The following KPTN variants were observed in gnomAD, a reference collection of about 807,000 sequenced individuals.
KPTN encodes kaptin, actin binding protein.
A neutral mutation model predicts 52.6 loss-of-function variants in KPTN; 36 were observed. The ratio of observed to expected loss-of-function variants is 0.68; its 90% CI spans 0.52 to 0.90. The LOEUF (loss-of-function observed/expected upper bound fraction) is 0.90. KPTN is among the 40% of genes least tolerant of loss of function. The pLI is 0.00. For missense variants in KPTN, 529 were observed against 576.2 expected (o/e 0.92, Z 0.84); for synonymous variants, 271 against 248.4 (o/e 1.09, Z -0.85).
rs759560716 is a variant in KPTN, at chr19:47,476,582, C to T, written c.1132G>A (p.Gly378Arg). The change falls in exon 11 of 12, where the codon GGG (glycine) becomes AGG (arginine). Residue 378 changes from glycine (G) to arginine (R), a missense_variant. By Grantham distance (125) the Gly-to-Arg change is moderately radical. Transcript: ENST00000338134. ...AMAHVDLTGD[G>R]LQELAVVSLK... ...GAGACCACGGCAAGCTCCTGCAGCC[C>T]ATCCCCGGTCAGGTCCACGTGAGCC... The T allele has an allele frequency of 6.2e-7, 1 of 1,612,002 alleles. No individual in the cohort carries two copies. The highest frequency in any genetic ancestry group is 1.1e-5 in the South Asian group (1 of 90,896).
rs757482618 is a variant in KPTN, at chr19:47,476,517, A to C, written c.1182+15T>G. The stretch of plus-strand genomic sequence containing the variant: ...CTGAGGTCGACTCCCCTCCCACCCC[A>C]AGAGCTGGGGATACCTGCAGGATGT... On this transcript the variant is annotated intron_variant, in intron 11 of 11. Coordinates refer to ENST00000338134, the MANE Select transcript of KPTN (RefSeq NM_007059.4). 1 of 1,581,812 alleles carries C rather than the reference A, an allele frequency of 6.3e-7. No individual in the cohort carries two copies. Among genetic ancestry groups the C allele is most frequent in the Non-Finnish European group, 8.6e-7 (1 of 1,160,270 alleles).
At chr19:47,479,973 C>T (rs1160286258) in intron 7 of KPTN, 33 bp from the exon 8 acceptor site, 27 of 1,571,112 alleles carry the variant, frequency 1.7e-5, no homozygotes, top group Middle Eastern at 1.8e-4. Context: ...GAGCCCCAAC[C>T]CCACCCCGGT....
At chr19:47,477,481 A>G (rs982610273) in intron 9 of KPTN, among the ~76,000 whole-genome samples, 2 of 151,280 alleles carry the variant, frequency 1.3e-5, no homozygotes, top group Non-Finnish European at 2.9e-5. Flanking sequence ...TACTACATCT[A>G]CTCCAGGGGG....
At chr19:47,485,133 GATA>G (rs1350845358), upstream of KPTN, among the ~76,000 whole-genome samples, 2 of 152,174 alleles carry the variant, frequency 1.3e-5, no homozygotes, top group Non-Finnish European at 2.9e-5. Context: ...TGCTGGCTCT[GATA>G]ATCTGATTCC....
intron 8 of KPTN, 79 bp downstream of exon 8, chr19:47,479,784 G>C: frequency 1.7e-6 from 2 of 1,203,458 alleles, no homozygotes; most frequent in Non-Finnish European, 2.4e-6. Context: ...TGCAAATCTG[G>C]GTAGAAGGAC....
rs1334244703 is a variant in KPTN at position 47,479,860 on chromosome 19, C to T, written c.787+3G>A. 7 of 1,612,232 alleles carry T rather than the reference C, an allele frequency of 4.3e-6. No individual in the cohort carries two copies. Among genetic ancestry groups the T allele is most frequent in the African/African-American group, 1.3e-5 (1 of 74,800 alleles). On this transcript the variant is annotated splice_donor_region_variant and intron_variant, in intron 8 of 11. Coordinates refer to ENST00000338134, the MANE Select transcript of KPTN (RefSeq NM_007059.4). ...TCCCCATCCCCTCAAACCCAGAGCTCACCCTTGGCGGCCGAGAGGCTGAAC... is the reference window on the plus strand; with the variant it reads ...TCCCCATCCCCTCAAACCCAGAGCTTACCCTTGGCGGCCGAGAGGCTGAAC...
Position 47,483,924 on chromosome 19 carries a change from G to T in KPTN, c.226+11C>A, listed in dbSNP as rs148546909. 2.7e-4 allele frequency: 429 copies of T among 1,611,058 alleles called. 4 individuals carry two copies. In the East Asian group the frequency reaches 8.8e-3, roughly 33 times the overall value. On this transcript the variant is annotated intron_variant, in intron 1 of 11. Transcript: ENST00000338134. ...CAGGCCCCCGCCCCCCAGCACCATA[G>T]CGCCACCCACCGGGAATGTAGTTGA...
chr19:47,480,646 G>A lies in KPTN; in HGVS notation c.599+114C>T, dbSNP rs1967844897. ...ATCAATTTCTCTGAAGTCATGCCGT[G>A]GACTGATTTTTCTGAGCTCCTCCCC... On this transcript the variant is annotated intron_variant, in intron 6 of 11. Transcript: ENST00000338134. 9.2e-6 allele frequency: 9 copies of A among 980,932 alleles called. No individual in the cohort carries two copies. In the South Asian group the frequency reaches 1.2e-4, roughly 13 times the overall value. 60.8% of individuals were successfully genotyped at this position (980,932 alleles called of 1,614,324 possible).
chr19:47,484,004 A>C lies in KPTN; in HGVS notation c.157T>G (p.Phe53Val). 6.2e-7 allele frequency: 1 copy of C among 1,613,342 alleles called. No individual in the cohort carries two copies. The highest frequency in any genetic ancestry group is 8.5e-7 in the Non-Finnish European group (1 of 1,180,014). The change falls in exon 1 of 12, where the codon TTC becomes GTC. Residue 53 changes from phenylalanine (F) to valine (V), a missense_variant. Physicochemically the swap from Phe to Val is conservative, Grantham distance 50 (BLOSUM62 -1). Coordinates refer to ENST00000338134, the MANE Select transcript of KPTN (RefSeq NM_007059.4). ...TTCTGTCGGAGGTCTTGGTAGCGGA[A>C]GCCGAGCACCTTGCCTTTAAGGGTG... Reference protein sequence around the residue: ...AATLKGKVLGFRYQDLRQKIR... With the variant: ...AATLKGKVLGVRYQDLRQKIR...
At chr19:47,485,576 TG>T (rs1459409199), upstream of KPTN, among the ~76,000 whole-genome samples, 2 of 152,338 alleles carry the variant, frequency 1.3e-5, no homozygotes, top group Non-Finnish European at 2.9e-5. Context: ...TGATCTCCCT[TG>T]ATCACGGCCT....
intron 7 of KPTN, 66 bp from the exon 8 acceptor site, chr19:47,480,006 T>A: frequency 9.4e-7 from 1 of 1,066,058 alleles, no homozygotes; most frequent in Non-Finnish European, 1.2e-6. Flanking sequence ...CCTGAAACCA[T>A]CGACTTTCCG....
Position 47,479,880 on chromosome 19 carries a change from C to T in KPTN, c.770G>A (p.Ser257Asn). 1 of 1,613,568 alleles carries T rather than the reference C, an allele frequency of 6.2e-7. No homozygotes were observed. Among genetic ancestry groups the T allele is most frequent in the Non-Finnish European group, 8.5e-7 (1 of 1,179,776 alleles). The change falls in exon 8 of 12, where the codon AGC becomes AAC. Residue 257 changes from serine (S) to asparagine (N), a missense_variant. Ser to Asn is a conservative substitution (Grantham distance 46). Coordinates refer to ENST00000338134, the MANE Select transcript of KPTN (RefSeq NM_007059.4). ...GAGCTCACCCTTGGCGGCCGAGAGG[C>T]TGAACACAATCACTCGGGAGATGGG... is the stretch of plus-strand genomic sequence containing the variant. The part of the protein sequence containing the change: ...DGPISRVIVF[S>N]LSAAKETKDR...
chr19:47,482,999 G>T (rs1967937686), intron 4 of KPTN, 162 bp downstream of exon 4: 2 of 743,826 alleles, frequency 2.7e-6, no homozygotes, highest in South Asian at 3.2e-5. Context: ...GAGCCACCGT[G>T]CCCGGCTGGC....
intron 6 of KPTN, 87 bp downstream of exon 6, chr19:47,480,673 G>T (rs1486751562): frequency 1.3e-5 from 16 of 1,249,094 alleles, no homozygotes; most frequent in Non-Finnish European, 1.9e-5. Flanking sequence ...CTCCTCCCCG[G>T]TGACCAATTT....
At chr19:47,482,036 G>A (rs1967894598) in intron 4 of KPTN, among the ~76,000 whole-genome samples, 1 of 152,200 alleles carries the variant, frequency 6.6e-6, no homozygotes, top group South Asian at 2.1e-4. Context: ...TAGCATCTCT[G>A]ATCTTGGAAT....
Position 47,483,932 on chromosome 19 carries a change from C to T in KPTN, c.226+3G>A. On this transcript the variant is annotated splice_donor_region_variant and intron_variant, in intron 1 of 11. Coordinates refer to ENST00000338134, the MANE Select transcript of KPTN (RefSeq NM_007059.4). ...CGCCCCCCAGCACCATAGCGCCACC[C>T]ACCGGGAATGTAGTTGAACTGCAGC... The T allele has an allele frequency of 6.2e-7, 1 of 1,613,460 alleles. No homozygotes were observed. Among genetic ancestry groups the T allele is most frequent in the Non-Finnish European group, 8.5e-7 (1 of 1,179,898 alleles).
At chr19:47,481,796 A>C (rs1239121255) in intron 4 of KPTN, among the ~76,000 whole-genome samples, 4 of 152,190 alleles carry the variant, frequency 2.6e-5, no homozygotes, top group Admixed American at 2.6e-4. Context: ...AAGTTTGCCA[A>C]TCCCTGTTCT....
chr19:47,477,355 T>G (rs1041894451), intron 9 of KPTN, among the ~76,000 whole-genome samples: 2 of 152,162 alleles, frequency 1.3e-5, no homozygotes, highest in South Asian at 2.1e-4. Flanking sequence ...TGTAATCATG[T>G]TCATGGTTTG....
upstream of KPTN, chr19:47,484,363 G>A: frequency 1.6e-6 from 1 of 615,378 alleles, no homozygotes; most frequent in Non-Finnish European, 2.8e-6. Context: ...CACTGCGCCC[G>A]CGCTCTCTTC....
Sources: allele counts gnomAD v4.1 joint callset (sites outside exome capture counted in the v4.1 genomes callset), GRCh38; gene constraint gnomAD v4.1.1; transcripts MANE v1.5; gene names NCBI Gene and HGNC (gene_info 2026-07-23, HGNC 2026-07-21).